CMIP: variants seen among roughly 807,000 people sequenced by gnomAD.
The protein encoded by CMIP is C-Maf-inducing protein.
Under a neutral mutation model 97.3 loss-of-function variants are expected in CMIP, and 13 were observed. That is an observed-to-expected ratio of 0.13 (90% confidence interval 0.09 to 0.21). CMIP has a LOEUF of 0.21. Ranked by LOEUF, CMIP falls within the 10% of genes least tolerant of loss-of-function variation. The pLI, the probability that CMIP is intolerant of heterozygous loss-of-function variation, is 1.00. For synonymous variants in CMIP, 538 were observed against 436.3 expected (o/e 1.23, Z -2.91); for missense variants, 847 against 1,024.9 (o/e 0.83, Z 2.37).
intron 1 of CMIP, among the ~76,000 whole-genome samples, chr16:81,534,941 T>C (rs1369853506): frequency 6.6e-6 from 1 of 152,192 alleles, no homozygotes; most frequent in Non-Finnish European, 1.5e-5. Flanking sequence ...TTATTCCAGC[T>C]TCATAGTGTT....
At chr16:81,479,030 C>T (rs554382063) in intron 1 of CMIP, among the ~76,000 whole-genome samples, 6 of 152,306 alleles carry the variant, frequency 3.9e-5, no homozygotes, top group Admixed American at 6.5e-5. Context: ...AAGCCGGGTC[C>T]TCAGGCACTC....
intron 2 of CMIP, chr16:81,610,578 T>A: frequency 2.0e-6 from 2 of 976,490 alleles, no homozygotes; most frequent in Non-Finnish European, 2.4e-6. Flanking sequence ...TGTGGTTCTC[T>A]CCCTGGCTGC....
chr16:81,619,345 G>C (rs559634678), intron 2 of CMIP: 1 of 152,408 alleles, frequency 6.6e-6, no homozygotes, highest in East Asian at 1.9e-4. Context: ...GCCAGAGATT[G>C]CTCCAGACCC....
chr16:81,507,598 A>G (rs759629035), intron 1 of CMIP, among the ~76,000 whole-genome samples: 13 of 152,370 alleles, frequency 8.5e-5, no homozygotes, highest in Non-Finnish European at 1.3e-4. Context: ...TTGTGGGAAC[A>G]TCCACTTTAG....
intron 1 of CMIP, chr16:81,476,230 A>G: frequency 1.4e-6 from 2 of 1,432,886 alleles, no homozygotes; most frequent in Admixed American, 1.7e-5. Context: ...CATGGACAAG[A>G]TGCCGGGACC....
At chr16:81,685,180 G>A (rs1905253483) in intron 10 of CMIP, among the ~76,000 whole-genome samples, 1 of 152,202 alleles carries the variant, frequency 6.6e-6, no homozygotes. Flanking sequence ...GCTGGTCTGG[G>A]CCGAGGCAAG....
intron 1 of CMIP, among the ~76,000 whole-genome samples, chr16:81,490,151 G>A (rs533140486): frequency 8.5e-5 from 13 of 152,290 alleles, no homozygotes; most frequent in Middle Eastern, 6.8e-3. Flanking sequence ...TGTAGCTAAA[G>A]GTTCCTGTTC....
At chr16:81,679,861 A>T (rs899981314) in intron 10 of CMIP, among the ~76,000 whole-genome samples, 3 of 151,978 alleles carry the variant, frequency 2.0e-5, no homozygotes, top group African/African-American at 7.3e-5. Context: ...AGTTTGAGGG[A>T]TCTCATTGAC....
At chr16:81,481,179 G>A (rs1218952847) in intron 1 of CMIP, among the ~76,000 whole-genome samples, 1 of 152,200 alleles carries the variant, frequency 6.6e-6, no homozygotes, top group Non-Finnish European at 1.5e-5. Flanking sequence ...ATAGCTGGGC[G>A]CCGTCTGGGG....
At chr16:81,609,571 C>T (rs554766620) in intron 2 of CMIP, among the ~76,000 whole-genome samples, 8 of 152,198 alleles carry the variant, frequency 5.3e-5, no homozygotes, top group African/African-American at 9.7e-5. Context: ...CAAATGATTA[C>T]GGAAATAATG....
intron 6 of CMIP, among the ~76,000 whole-genome samples, chr16:81,664,037 C>T (rs938440099): frequency 2.4e-4 from 36 of 152,108 alleles, no homozygotes; most frequent in Non-Finnish European, 4.1e-4. Flanking sequence ...CTGTGCGTGC[C>T]GGGGGCAGGG....
intron 1 of CMIP, among the ~76,000 whole-genome samples, chr16:81,543,427 A>G (rs771163335): frequency 1.8e-4 from 27 of 152,128 alleles, no homozygotes; most frequent in Non-Finnish European, 2.4e-4. Context: ...TAGTGTCCCC[A>G]CATTGAAGTT....
chr16:81,592,845 G>A (rs924870341), intron 1 of CMIP, among the ~76,000 whole-genome samples: 1 of 152,224 alleles, frequency 6.6e-6, no homozygotes, highest in Non-Finnish European at 1.5e-5. Context: ...TGTGGCATGT[G>A]CCCAGTCCAG....
chr16:81,546,809 A>T (rs570493609), intron 1 of CMIP, among the ~76,000 whole-genome samples: 1 of 152,170 alleles, frequency 6.6e-6, no homozygotes, highest in Non-Finnish European at 1.5e-5. Context: ...GCTGCCATGT[A>T]TGGCTATTTA....
At chr16:81,630,488 C>A (rs1267562049) in intron 3 of CMIP, 2 of 152,268 alleles carry the variant, frequency 1.3e-5, no homozygotes, top group Non-Finnish European at 2.9e-5. Context: ...GAGTGACCGC[C>A]CAGGCCTATG....
At chr16:81,572,647 C>T (rs1001403039) in intron 1 of CMIP, among the ~76,000 whole-genome samples, 2 of 152,152 alleles carry the variant, frequency 1.3e-5, no homozygotes, top group African/African-American at 4.8e-5. Flanking sequence ...CGCACATGGT[C>T]GAGCGGGGGT....
intron 1 of CMIP, among the ~76,000 whole-genome samples, chr16:81,572,834 C>G (rs965030738): frequency 6.6e-6 from 1 of 152,174 alleles, no homozygotes; most frequent in African/African-American, 2.4e-5. Flanking sequence ...CCCTGCTAGC[C>G]TGCCTGGGAC....
intron 1 of CMIP, among the ~76,000 whole-genome samples, chr16:81,572,031 C>T (rs1290309664): frequency 1.3e-5 from 2 of 152,238 alleles, no homozygotes; most frequent in Non-Finnish European, 2.9e-5. Context: ...ACCAGGACGG[C>T]CTTGGCCCCG....
Position 81,710,548 on chromosome 16 carries a change from AAAG to A in CMIP, c.*752_*754del, listed in dbSNP as rs1292052218. 2.0e-5 allele frequency: 3 copies of A among 152,274 alleles called. No homozygotes were observed. Among genetic ancestry groups the A allele is most frequent in the Admixed American group, 1.3e-4 (2 of 15,270 alleles). 9.4% of individuals were successfully genotyped at this position (152,274 alleles called of 1,614,324 possible). On this transcript the variant is annotated 3_prime_UTR_variant, in exon 21 of 21. Transcript: ENST00000537098. ...CAGACAACAAAAAGAAGAAAAAAAAAAAGAACCTCCTTGGAAAAATTAATTGCT... is the reference window on the plus strand; with the variant it reads ...CAGACAACAAAAAGAAGAAAAAAAAAAACCTCCTTGGAAAAATTAATTGCT...
Sources: allele counts gnomAD v4.1 joint callset (sites outside exome capture counted in the v4.1 genomes callset), GRCh38; gene constraint gnomAD v4.1.1; transcripts MANE v1.5; gene names NCBI Gene and HGNC (gene_info 2026-07-23, HGNC 2026-07-21).